Variants in C18orf63 observed in about 807,000 individuals in gnomAD.
The protein encoded by C18orf63 is uncharacterized protein C18orf63.
C18orf63 carries 50 observed loss-of-function variants against 75.3 expected under a neutral mutation model. The observed-to-expected ratio is 0.66, with a 90% CI of 0.53 to 0.84. The LOEUF is 0.84. Among genes scored for constraint, C18orf63 ranks in the 40% least tolerant of loss-of-function variants. The pLI is 0.00. For missense variants in C18orf63, 732 were observed against 800.2 expected, an observed-to-expected ratio of 0.91 and a Z score of 1.03; for synonymous variants, 232 against 267.6, an observed-to-expected ratio of 0.87 and a Z score of 1.30.
At chr18:74,317,809 C>A in intron 1 of C18orf63, 25 bp from the exon 2 acceptor site, 1 of 1,408,192 alleles carries the variant, frequency 7.1e-7, no homozygotes, top group Non-Finnish European at 9.4e-7. Context: ...AATTTACTAC[C>A]TTTTTTTGCT....
chr18:74,345,171 GC>G (rs750484057), intron 11 of C18orf63, among the ~76,000 whole-genome samples: 8 of 151,816 alleles, frequency 5.3e-5, no homozygotes, highest in Non-Finnish European at 7.4e-5. Flanking sequence ...ATGTATTTTG[GC>G]CATTTGGATT....
intron 7 of C18orf63, among the ~76,000 whole-genome samples, chr18:74,335,958 G>A (rs1032470877): frequency 3.9e-5 from 6 of 152,008 alleles, no homozygotes; most frequent in East Asian, 3.8e-4. Flanking sequence ...AGTTAATCTC[G>A]CAGAATCTCC....
rs1015065815 is a variant in C18orf63 at position 74,353,890 on chromosome 18, A to T, written c.1623A>T (p.Gln541His). 33 of 1,535,902 alleles carry T rather than the reference A, an allele frequency of 2.1e-5. No homozygotes were observed. The highest frequency in any genetic ancestry group is 2.8e-5 in the Non-Finnish European group (32 of 1,146,882). ...KSTVSLNKNK[Q>H]LSNSAVFVVS... ...CTGTGAGTTTAAACAAAAATAAGCAACTATCTAATAGTGCAGTATTTGTGG... is the reference window on the plus strand; with the variant it reads ...CTGTGAGTTTAAACAAAAATAAGCATCTATCTAATAGTGCAGTATTTGTGG... The change falls in exon 12 of 14, where the codon CAA (glutamine) becomes CAT (histidine). Residue 541 changes from glutamine to histidine, a missense_variant. Gln to His is a conservative substitution (Grantham distance 24). Around this residue, in one of 3 missense-constraint regions of C18orf63, gnomAD observed 495 missense variants for 508.7 expected, o/e 0.97. Transcript: ENST00000579455.
rs186935615 is a variant in C18orf63 at position 74,338,621 on chromosome 18, C to T, written c.502-94C>T. Reference sequence around the variant, plus strand: ...TTAAGTCTTTAAATCTACTTTATAACCTACTGTGTGTGTGTAACAAATATG... The same window carrying T: ...TTAAGTCTTTAAATCTACTTTATAATCTACTGTGTGTGTGTAACAAATATG... On this transcript the variant is annotated intron_variant, in intron 7 of 13. Coordinates refer to ENST00000579455, the MANE Select transcript of C18orf63 (RefSeq NM_001174123.2). 47 of 470,326 alleles carry T rather than the reference C, an allele frequency of 1.0e-4. No individual in the cohort carries two copies. In the Middle Eastern group the frequency reaches 2.2e-3, roughly 22 times the overall value. The allele number at this position is 470,326 out of a possible 1,614,324, so 29.1% of individuals were successfully genotyped here.
At chr18:74,331,000 A>T in intron 7 of C18orf63, 58 bp downstream of exon 7, 1 of 669,004 alleles carries the variant, frequency 1.5e-6, no homozygotes, top group Non-Finnish European at 2.2e-6. Flanking sequence ...TTTTATATTT[A>T]TTATTGTTAC....
At chr18:74,322,636 G>T in intron 3 of C18orf63, 62 bp from the exon 4 acceptor site, 1 of 514,914 alleles carries the variant, frequency 1.9e-6, no homozygotes, top group Non-Finnish European at 3.2e-6. Context: ...AATCTTTATT[G>T]CATTATTTAA....
intron 7 of C18orf63, among the ~76,000 whole-genome samples, chr18:74,334,240 G>T (rs1214095686): frequency 1.3e-5 from 2 of 151,896 alleles, no homozygotes; most frequent in Non-Finnish European, 2.9e-5. Flanking sequence ...GTTACAATAG[G>T]ATCTGTGCCC....
intron 11 of C18orf63, 82 bp downstream of exon 11, chr18:74,343,784 A>AGATCT: frequency 2.4e-6 from 2 of 824,268 alleles, no homozygotes; most frequent in African/African-American, 1.8e-5. Flanking sequence ...TCTGGGGTGG[A>AGATCT]ACACCCAACG....
chr18:74,322,673 T>C, intron 3 of C18orf63, 25 bp from the exon 4 acceptor site: 2 of 961,366 alleles, frequency 2.1e-6, no homozygotes, highest in Non-Finnish European at 3.0e-6. Context: ...TAAGTCCTTT[T>C]TATAAATGTG....
intron 2 of C18orf63, 135 bp from the exon 3 acceptor site, chr18:74,320,378 A>G (rs1434080130): frequency 2.8e-5 from 15 of 533,602 alleles, no homozygotes; most frequent in African/African-American, 2.0e-4. Flanking sequence ...CAGGGGGGAA[A>G]TCCGCCGCCA....
At chr18:74,337,152 T>C (rs962762003) in intron 7 of C18orf63, among the ~76,000 whole-genome samples, 1 of 152,150 alleles carries the variant, frequency 6.6e-6, no homozygotes, top group Non-Finnish European at 1.5e-5. Context: ...TTGTTCAGAT[T>C]GGCGTTATAA....
chr18:74,354,355 C>T lies in C18orf63; in HGVS notation c.2001+87C>T. On this transcript the variant is annotated intron_variant, in intron 12 of 13. Coordinates refer to ENST00000579455, the MANE Select transcript of C18orf63 (RefSeq NM_001174123.2). The stretch of plus-strand genomic sequence containing the variant: ...AGGATTTAAATGATTTCCCTAAGAT[C>T]ATTTAGAACCATACTAATTAATAAA... 2.4e-6 allele frequency: 3 copies of T among 1,269,660 alleles called. No homozygotes were observed. In the South Asian group the frequency reaches 4.6e-5, roughly 19 times the overall value. 78.6% of individuals were successfully genotyped at this position (1,269,660 alleles called of 1,614,324 possible).
chr18:74,320,474 C>A, intron 2 of C18orf63, 39 bp from the exon 3 acceptor site: 1 of 1,398,358 alleles, frequency 7.2e-7, no homozygotes, highest in Non-Finnish European at 9.7e-7. Flanking sequence ...CAGAACCAAA[C>A]CATACCAGTC....
intron 11 of C18orf63, among the ~76,000 whole-genome samples, chr18:74,349,555 G>T (rs991224419): frequency 1.3e-5 from 2 of 152,144 alleles, no homozygotes; most frequent in South Asian, 4.2e-4. Context: ...TTAGATTCTT[G>T]TAGGAGCACG....
rs1246841184 is a variant in C18orf63, at chr18:74,357,381, T to C, written c.*934T>C. On this transcript the variant is annotated 3_prime_UTR_variant, in exon 14 of 14. Transcript: ENST00000579455. The stretch of plus-strand genomic sequence containing the variant: ...GCATATGTCCAGAATGACCTTCTAG[T>C]CCATATTACAAATAAATTATCTAAC... 1 of 152,076 alleles carries C rather than the reference T, an allele frequency of 6.6e-6. No individual in the cohort carries two copies. The highest frequency in any genetic ancestry group is 2.4e-5 in the African/African-American group (1 of 41,408). The allele number at this position is 152,076 out of a possible 1,614,324, so 9.4% of individuals were successfully genotyped here.
At chr18:74,326,246 G>T (rs750994457) in intron 4 of C18orf63, among the ~76,000 whole-genome samples, 4 of 152,222 alleles carry the variant, frequency 2.6e-5, no homozygotes, top group Admixed American at 6.5e-5. Context: ...ACATTCACCA[G>T]AAGTCAAAAT....
chr18:74,358,508 T>C lies in C18orf63; in HGVS notation c.*2061T>C, dbSNP rs1984809039. The C allele has an allele frequency of 6.6e-6, 1 of 152,184 alleles. No individual in the cohort carries two copies. Among genetic ancestry groups the C allele is most frequent in the South Asian group, 2.1e-4 (1 of 4,832 alleles). 9.4% of individuals were successfully genotyped at this position (152,184 alleles called of 1,614,324 possible). On this transcript the variant is annotated 3_prime_UTR_variant, in exon 14 of 14. Coordinates refer to ENST00000579455, the MANE Select transcript of C18orf63 (RefSeq NM_001174123.2). Reference sequence around the variant, plus strand: ...TTAAGATTTTGGTTCATTTTAAACATTGCAATTTTTGAAAGCCAAGATAAT... The same window carrying C: ...TTAAGATTTTGGTTCATTTTAAACACTGCAATTTTTGAAAGCCAAGATAAT...
intron 8 of C18orf63, 88 bp downstream of exon 8, chr18:74,338,912 G>A: frequency 2.3e-6 from 1 of 437,338 alleles, no homozygotes; most frequent in Non-Finnish European, 3.9e-6. Context: ...ATGTGTAAAA[G>A]TATAAACTAT....
intron 11 of C18orf63, among the ~76,000 whole-genome samples, chr18:74,349,769 C>A (rs1984635950): frequency 6.6e-6 from 1 of 151,984 alleles, no homozygotes; most frequent in African/African-American, 2.4e-5. Context: ...GAGAATGGTG[C>A]CCTACATTCT....
Sources: allele counts gnomAD v4.1 joint callset (sites outside exome capture counted in the v4.1 genomes callset), GRCh38; gene constraint gnomAD v4.1.1; regional missense constraint gnomAD v4.1.1; transcripts MANE v1.5; gene names NCBI Gene and HGNC (gene_info 2026-07-23, HGNC 2026-07-21).